LEPR: variants seen among roughly 807,000 people sequenced by gnomAD.
LEPR encodes the protein OB receptor.
In LEPR, 56 loss-of-function variants were observed where a neutral mutation model predicts 114.7. The observed-to-expected ratio is 0.49, with a 90% CI of 0.39 to 0.61. The LOEUF (loss-of-function observed/expected upper bound fraction) is 0.61, where lower values mean the gene tolerates loss of function less well. Among genes scored for constraint, LEPR ranks in the 20% least tolerant of loss-of-function variants. The pLI is 0.00. For missense variants in LEPR, 1,202 were observed against 1,352.9 expected (o/e 0.89, Z 1.75); for synonymous variants, 443 against 461.4 (o/e 0.96, Z 0.51).
chr1:65,622,867 GT>G (rs1182742816), intron 18 of LEPR, 38 bp from the exon 19 acceptor site: 6 of 1,606,810 alleles, frequency 3.7e-6, no homozygotes, highest in Non-Finnish European at 5.1e-6. Flanking sequence ...CAATATGGAT[GT>G]TTTTCTCTAA....
At chr1:65,507,099 G>A (rs1648769314) in intron 2 of LEPR, among the ~76,000 whole-genome samples, 1 of 152,096 alleles carries the variant, frequency 6.6e-6, no homozygotes, top group African/African-American at 2.4e-5. Context: ...CGCCCAGGCT[G>A]GAGTGCAGTG....
At chr1:65,455,100 C>T (rs1162198829) in intron 2 of LEPR, among the ~76,000 whole-genome samples, 3 of 152,196 alleles carry the variant, frequency 2.0e-5, no homozygotes, top group Non-Finnish European at 2.9e-5. Context: ...CTGCCTTCTT[C>T]ACGTAGTTCT....
intron 1 of LEPR, among the ~76,000 whole-genome samples, chr1:65,421,871 AAAGG>A (rs1434211931): frequency 1.3e-5 from 2 of 152,226 alleles, no homozygotes; most frequent in Non-Finnish European, 2.9e-5. Flanking sequence ...TAGTGAAAAA[AAAGG>A]AAGTCTGAAA....
rs1463302603 is a variant in LEPR at position 65,420,694 on chromosome 1, C to A, written c.-143C>A. 4 of 1,573,658 alleles carry A rather than the reference C, an allele frequency of 2.5e-6. No homozygotes were observed. The African/African-American group carries it at 5.4e-5, about 21-fold the overall frequency. On this transcript the variant is annotated 5_prime_UTR_variant, in exon 1 of 20. Transcript: ENST00000349533. ...GGCTGCCCGGGCCGTGGCAGGAAGC[C>A]GGAAGCAGCCGCGGCCCCAGTTCGG...
At chr1:65,599,739 GA>G (rs5774759) in intron 8 of LEPR, among the ~76,000 whole-genome samples, 71,095 of 151,774 alleles carry the variant, frequency 0.47, 17,842 homozygotes, top group East Asian at 0.88. Context: ...ATAATGAAAT[GA>G]AATAATTAAC....
chr1:65,542,474 T>A (rs1651300922), intron 2 of LEPR, among the ~76,000 whole-genome samples: 1 of 149,960 alleles, frequency 6.7e-6, no homozygotes, highest in Admixed American at 6.7e-5. Context: ...TTTTTTTTTT[T>A]AAATTGTACT....
chr1:65,477,134 C>T (rs1647168115), intron 2 of LEPR, among the ~76,000 whole-genome samples: 1 of 152,122 alleles, frequency 6.6e-6, no homozygotes. Flanking sequence ...ATAGGTATCA[C>T]CTTATCAGTG....
At chr1:65,470,251 C>G (rs1647066900) in intron 2 of LEPR, among the ~76,000 whole-genome samples, 1 of 152,196 alleles carries the variant, frequency 6.6e-6, no homozygotes, top group South Asian at 2.1e-4. Context: ...ACTCCTACCT[C>G]ACCACCATCA....
intron 2 of LEPR, among the ~76,000 whole-genome samples, chr1:65,480,770 C>A (rs1647217098): frequency 6.6e-6 from 1 of 151,866 alleles, no homozygotes; most frequent in Non-Finnish European, 1.5e-5. Flanking sequence ...CCAGTAATAG[C>A]AGAGCCAGGA....
intron 5 of LEPR, among the ~76,000 whole-genome samples, chr1:65,588,434 C>T (rs1248756032): frequency 6.6e-6 from 1 of 151,802 alleles, no homozygotes. Flanking sequence ...ATATAATAAG[C>T]TGTACATATT....
In LEPR at chr1:65,488,226, C is replaced by CTCTCTCTCTCTCTTTCTTTCTT. The variant is rs1553157734; in HGVS notation, c.-21+62851_-21+62852insCTCTCTCTCTTTCTTTCTTTCT. The stretch of plus-strand genomic sequence containing the variant: ...TTTCTTTCTTTCTCTCTCTCTCTCT[C>CTCTCTCTCTCTCTTTCTTTCTT]TCTTTCTTTCTTTCTTTCTTTCTTT... On this transcript the variant is annotated intron_variant, in intron 2 of 19. Transcript: ENST00000349533. Among the ~76,000 whole-genome samples, 37 of 67,936 alleles carry CTCTCTCTCTCTCTTTCTTTCTT rather than the reference C, an allele frequency of 5.4e-4. 1 individual carries two copies. Among genetic ancestry groups the CTCTCTCTCTCTCTTTCTTTCTT allele is most frequent in the African/African-American group, 1.7e-3 (20 of 11,442 alleles). The allele number at this position is 67,936 out of a possible 152,430, so 44.6% of individuals were successfully genotyped here.
At chr1:65,480,803 A>T (rs928123399) in intron 2 of LEPR, among the ~76,000 whole-genome samples, 2 of 152,160 alleles carry the variant, frequency 1.3e-5, no homozygotes, top group African/African-American at 4.8e-5. Flanking sequence ...GGTCTGGTTC[A>T]CTCTTAATAA....
intron 2 of LEPR, among the ~76,000 whole-genome samples, chr1:65,549,033 G>C (rs1307964071): frequency 2.6e-5 from 4 of 151,396 alleles, no homozygotes; most frequent in Non-Finnish European, 1.5e-5. Context: ...GCATTTGCTT[G>C]TCTGTAAAGT....
chr1:65,549,774 C>T (rs1301533736), intron 2 of LEPR, among the ~76,000 whole-genome samples: 1 of 152,172 alleles, frequency 6.6e-6, no homozygotes, highest in Non-Finnish European at 1.5e-5. Context: ...TCCTGTAGCT[C>T]GGAGTAGTTT....
rs576536177 is a variant in LEPR, at chr1:65,553,680, G to T, written c.-20-11866G>T. Among the ~76,000 whole-genome samples, 3 of 152,082 alleles carry T rather than the reference G, an allele frequency of 2.0e-5. No individual in the cohort carries two copies. In the South Asian group the frequency reaches 6.2e-4, roughly 32 times the overall value. ...TAGAACATGCTTCTTTAGCTCAAAGGAGTTTGTTATTACCCACCTTCTGAA... is the reference window on the plus strand; with the variant it reads ...TAGAACATGCTTCTTTAGCTCAAAGTAGTTTGTTATTACCCACCTTCTGAA... On this transcript the variant is annotated intron_variant, in intron 2 of 19. Coordinates refer to ENST00000349533, the MANE Select transcript of LEPR (RefSeq NM_002303.6).
At chr1:65,433,549 C>T in intron 2 of LEPR, 2 of 985,344 alleles carry the variant, frequency 2.0e-6, no homozygotes, top group Non-Finnish European at 2.4e-6. Flanking sequence ...GGCTTGTGAT[C>T]TGAGTAATTA....
At position 65,640,271 on chromosome 1, in the gene LEPR, T is replaced by C. The variant is rs1332827796; in HGVS notation, c.*3256T>C. On this transcript the variant is annotated 3_prime_UTR_variant, in exon 20 of 20. Transcript: ENST00000349533. Reference sequence around the variant, plus strand: ...AATATGCTGATGGATCAAGACATACTGCAACCACAAAGTTCCATCTCACTT... The same window carrying C: ...AATATGCTGATGGATCAAGACATACCGCAACCACAAAGTTCCATCTCACTT... The C allele has an allele frequency of 6.6e-6, 1 of 152,212 alleles. No individual in the cohort carries two copies. Among genetic ancestry groups the C allele is most frequent in the Admixed American group, 6.5e-5 (1 of 15,276 alleles). The allele number at this position is 152,212 out of a possible 1,614,324, so 9.4% of individuals were successfully genotyped here.
intron 2 of LEPR, among the ~76,000 whole-genome samples, chr1:65,542,225 A>C (rs1411248799): frequency 6.6e-6 from 1 of 152,064 alleles, no homozygotes; most frequent in South Asian, 2.1e-4. Flanking sequence ...TACTTTATAC[A>C]GATTTCTTCA....
chr1:65,475,937 A>G (rs1404076929), intron 2 of LEPR, among the ~76,000 whole-genome samples: 1 of 151,694 alleles, frequency 6.6e-6, no homozygotes, highest in Non-Finnish European at 1.5e-5. Context: ...GGATTGCCTG[A>G]GCCCAGGAGG....
Sources: gnomAD v4.1 joint callset for allele counts (sites outside exome capture counted in the v4.1 genomes callset) on GRCh38, gnomAD v4.1.1 for gene constraint, MANE v1.5 for transcripts, NCBI Gene and HGNC (gene_info 2026-07-23, HGNC 2026-07-21) for gene names.